TP63: variants seen among roughly 807,000 people sequenced by gnomAD.
TP63 encodes the protein tumor protein p63.
Under a neutral mutation model 82.8 loss-of-function variants are expected in TP63, and 17 were observed. The observed-to-expected ratio is 0.21, with a 90% CI of 0.14 to 0.31. The LOEUF is 0.31. Ranked by LOEUF, TP63 falls within the 10% of genes least tolerant of loss-of-function variation. The pLI, the probability that TP63 is intolerant of heterozygous loss-of-function variation, is 1.00. For missense variants in TP63, 648 were observed against 895.3 expected, an observed-to-expected ratio of 0.72 and a Z score of 3.52; for synonymous variants, 330 against 321.7, an observed-to-expected ratio of 1.03 and a Z score of -0.28.
At chr3:189,611,494 T>C in the TP63 span, among the ~76,000 whole-genome samples, 2 of 152,214 alleles carry the variant, frequency 1.3e-5, no homozygotes, top group East Asian at 3.8e-4. Flanking sequence ...TTTTGTTCCA[T>C]TGGTCTATGT....
chr3:189,600,355 G>A, the TP63 span, among the ~76,000 whole-genome samples: 1 of 152,120 alleles, frequency 6.6e-6, no homozygotes, highest in South Asian at 2.1e-4. Context: ...GATATTGATT[G>A]TACTGTAGGT....
At chr3:189,748,344 G>T (rs553988742) in intron 3 of TP63, among the ~76,000 whole-genome samples, 1 of 151,684 alleles carries the variant, frequency 6.6e-6, no homozygotes, top group Non-Finnish European at 1.5e-5. Flanking sequence ...ATAGTTGCAG[G>T]ATACAAAAAT....
intron 4 of TP63, among the ~76,000 whole-genome samples, chr3:189,836,892 T>C (rs1242975860): frequency 6.6e-6 from 1 of 152,216 alleles, no homozygotes; most frequent in Non-Finnish European, 1.5e-5. Context: ...GGAAAATGTC[T>C]TATATTTTTC....
intron 4 of TP63, among the ~76,000 whole-genome samples, chr3:189,816,114 A>G (rs1454848567): frequency 6.6e-6 from 1 of 152,236 alleles, no homozygotes; most frequent in Non-Finnish European, 1.5e-5. Flanking sequence ...TTTGAGATTT[A>G]AAGGGCTTCT....
chr3:189,736,595 G>C (rs1720612362), intron 1 of TP63, among the ~76,000 whole-genome samples: 1 of 152,008 alleles, frequency 6.6e-6, no homozygotes, highest in Non-Finnish European at 1.5e-5. Context: ...TCAATTCCTA[G>C]AAGATGAGAC....
At chr3:189,696,826 C>T (rs1426022127) in intron 1 of TP63, among the ~76,000 whole-genome samples, 1 of 151,932 alleles carries the variant, frequency 6.6e-6, no homozygotes, top group South Asian at 2.1e-4. Flanking sequence ...GCCTATTTGC[C>T]TTCTTGATAT....
chr3:189,621,058 C>T, the TP63 span, among the ~76,000 whole-genome samples: 7 of 152,120 alleles, frequency 4.6e-5, no homozygotes, highest in African/African-American at 1.7e-4. Context: ...GTACATTTAT[C>T]CCATGACTAA....
chr3:189,602,602 G>A, the TP63 span, among the ~76,000 whole-genome samples: 1 of 152,184 alleles, frequency 6.6e-6, no homozygotes, highest in Non-Finnish European at 1.5e-5. Flanking sequence ...ATAATACACA[G>A]TAAAATCACC....
intron 1 of TP63, among the ~76,000 whole-genome samples, chr3:189,682,553 A>AT (rs1322646970): frequency 5.8e-4 from 6 of 10,286 alleles, no homozygotes; most frequent in Admixed American, 1.7e-3. Context: ...AAAAAAAAAA[A>AT]ATATATATAT....
At chr3:189,881,685 G>C (rs567285636) in intron 10 of TP63, among the ~76,000 whole-genome samples, 2 of 152,162 alleles carry the variant, frequency 1.3e-5, no homozygotes, top group African/African-American at 4.8e-5. Flanking sequence ...TCTGTATCAA[G>C]GTCATCAATC....
chr3:189,731,465 C>T (rs949943421), intron 1 of TP63, among the ~76,000 whole-genome samples: 2 of 152,292 alleles, frequency 1.3e-5, no homozygotes, highest in East Asian at 1.9e-4. Context: ...CTAAGCTAGA[C>T]GACCTCTCAG....
chr3:189,889,199 G>A lies in TP63; in HGVS notation c.1508-141G>A, dbSNP rs898495737. The A allele has an allele frequency of 3.4e-6, 4 of 1,183,772 alleles. No homozygotes were observed. The African/African-American group carries it at 4.5e-5, about 13-fold the overall frequency. 73.3% of individuals were successfully genotyped at this position (1,183,772 alleles called of 1,614,324 possible). On this transcript the variant is annotated intron_variant, in intron 11 of 13. Transcript: ENST00000264731. ...TTTGACTAGATGTAGGCTGTTTGAA[G>A]GGGTGTAGTGAGAGCGAAGATTAAA... is the stretch of plus-strand genomic sequence containing the variant.
rs1715368047 is a variant in TP63, at chr3:189,849,610, G to A, written c.580-14622G>A. On this transcript the variant is annotated intron_variant, in intron 4 of 13. Coordinates refer to ENST00000264731, the MANE Select transcript of TP63 (RefSeq NM_003722.5). ...TCCTCCAAGCTAAATAGACCCCCATGTTTTACCTTCTCTCCTTTTGCTTTT... is the reference window on the plus strand; with the variant it reads ...TCCTCCAAGCTAAATAGACCCCCATATTTTACCTTCTCTCCTTTTGCTTTT... 1.3e-5 allele frequency among the ~76,000 whole-genome samples: 2 copies of A among 151,650 alleles called. 1 individual carries two copies. Among genetic ancestry groups the A allele is most frequent in the South Asian group, 4.2e-4 (2 of 4,778 alleles).
At chr3:189,669,401 A>G (rs906286105) in intron 1 of TP63, among the ~76,000 whole-genome samples, 1 of 152,068 alleles carries the variant, frequency 6.6e-6, no homozygotes, top group African/African-American at 2.4e-5. Flanking sequence ...TCAAGCTAAA[A>G]GGAAATTATA....
chr3:189,883,183 A>ATT (rs34169907), intron 10 of TP63, among the ~76,000 whole-genome samples: 7 of 148,002 alleles, frequency 4.7e-5, no homozygotes, highest in East Asian at 2.0e-4. Context: ...TAAATTTGTA[A>ATT]TTTTTTTTAA....
At chr3:189,666,570 A>C (rs897570548) in intron 1 of TP63, among the ~76,000 whole-genome samples, 1 of 152,124 alleles carries the variant, frequency 6.6e-6, no homozygotes, top group African/African-American at 2.4e-5. Flanking sequence ...AGAGAAAGAG[A>C]ATGAAATAGA....
chr3:189,877,092 C>A (rs1719315945), intron 10 of TP63, among the ~76,000 whole-genome samples: 2 of 152,126 alleles, frequency 1.3e-5, no homozygotes, highest in Admixed American at 1.3e-4. Context: ...AAAAAAATTT[C>A]TTCGCGTTTA....
In TP63 at chr3:189,806,040, CTTTTTTTTTTT is replaced by C. The variant is rs34836784; in HGVS notation, c.325-2215_325-2205del. Among the ~76,000 whole-genome samples, 12 of 52,078 alleles carry C rather than the reference CTTTTTTTTTTT, an allele frequency of 2.3e-4. 1 individual carries two copies. The highest frequency in any genetic ancestry group is 8.6e-4 in the South Asian group (1 of 1,158). 34.2% of individuals were successfully genotyped at this position (52,078 alleles called of 152,430 possible). On this transcript the variant is annotated intron_variant, in intron 3 of 13. Transcript: ENST00000264731. Reference sequence around the variant, plus strand: ...ACCCAATAAACAACAGAAGCAAACACTTTTTTTTTTTTTTTTTTTTTTTTTTTGCCCCTTAC... The same window carrying C: ...ACCCAATAAACAACAGAAGCAAACACTTTTTTTTTTTTTTTTGCCCCTTAC...
intron 1 of TP63, among the ~76,000 whole-genome samples, chr3:189,727,260 A>G (rs1719838512): frequency 6.6e-6 from 1 of 152,260 alleles, no homozygotes; most frequent in Non-Finnish European, 1.5e-5. Context: ...AAGATTGTTC[A>G]GAACTGTCAT....
Sources: gnomAD v4.1 joint callset for allele counts (sites outside exome capture counted in the v4.1 genomes callset) on GRCh38, gnomAD v4.1.1 for gene constraint, MANE v1.5 for transcripts, NCBI Gene and HGNC (gene_info 2026-07-23, HGNC 2026-07-21) for gene names.